MPC2: variants seen among roughly 807,000 people sequenced by gnomAD.
MPC2 encodes mitochondrial pyruvate carrier 2.
In MPC2, 19 loss-of-function variants were observed where a neutral mutation model predicts 19.2. That is an observed-to-expected ratio of 0.99 (90% CI 0.69 to 1.45). The LOEUF (loss-of-function observed/expected upper bound fraction) is 1.45. Ranked by LOEUF, MPC2 falls within the 40% of genes most tolerant of loss-of-function variation. MPC2 has a pLI of 0.00. For synonymous variants in MPC2, 61 were observed against 54.3 expected, an observed-to-expected ratio of 1.12 and a Z score of -0.54; for missense variants, 122 against 153.0, an observed-to-expected ratio of 0.80 and a Z score of 1.07.
chr1:167,929,219 G>A (rs1016278347), intron 2 of MPC2, among the ~76,000 whole-genome samples: 2 of 152,080 alleles, frequency 1.3e-5, no homozygotes, highest in Non-Finnish European at 2.9e-5. Context: ...TTAGCCGGGC[G>A]TGGTGGTGCA....
At chr1:167,920,519 A>C (rs768915403) in intron 4 of MPC2, 28 bp downstream of exon 4, 27 of 1,604,852 alleles carry the variant, frequency 1.7e-5, no homozygotes, top group Non-Finnish European at 2.3e-5. Context: ...GTTCTACAAG[A>C]AACACAGAAG....
Position 167,920,185 on chromosome 1 carries a change from G to T in MPC2, c.236-95C>A. 2 of 771,190 alleles carry T rather than the reference G, an allele frequency of 2.6e-6. 1 individual carries two copies. The highest frequency in any genetic ancestry group is 3.9e-5 in the South Asian group (2 of 51,366). 47.8% of individuals were successfully genotyped at this position (771,190 alleles called of 1,614,324 possible). ...TGAGTAAAGTAATTACAACAATAAT[G>T]TAGGATGAGGGACAAAGAAATGCTA... is the stretch of plus-strand genomic sequence containing the variant. On this transcript the variant is annotated intron_variant, in intron 4 of 5. Coordinates refer to ENST00000271373, the MANE Select transcript of MPC2 (RefSeq NM_001143674.4).
At chr1:167,934,501 C>T (rs1279611765) in intron 2 of MPC2, among the ~76,000 whole-genome samples, 2 of 152,170 alleles carry the variant, frequency 1.3e-5, no homozygotes, top group Non-Finnish European at 1.5e-5. Flanking sequence ...AAATCAGTAA[C>T]AAACTGTCCT....
At chr1:167,920,798 A>T (rs368166780) in intron 3 of MPC2, among the ~76,000 whole-genome samples, 167 bp from the exon 4 acceptor site, 3 of 152,240 alleles carry the variant, frequency 2.0e-5, no homozygotes, top group African/African-American at 7.2e-5. Flanking sequence ...AAGCACAATG[A>T]ATTAAAAAAC....
At chr1:167,934,926 T>C (rs2102565370) in intron 2 of MPC2, among the ~76,000 whole-genome samples, 1 of 152,254 alleles carries the variant, frequency 6.6e-6, no homozygotes, top group Middle Eastern at 3.4e-3. Flanking sequence ...TCTTTCAGTT[T>C]CTTACAGTTT....
At chr1:167,920,281 T>C (rs990649574) in intron 4 of MPC2, among the ~76,000 whole-genome samples, 191 bp from the exon 5 acceptor site, 28 of 152,218 alleles carry the variant, frequency 1.8e-4, no homozygotes. Flanking sequence ...GAAAGAGGAA[T>C]CTTTAAAGTG....
intron 2 of MPC2, among the ~76,000 whole-genome samples, chr1:167,929,130 G>A (rs1670834000): frequency 6.6e-6 from 1 of 151,636 alleles, no homozygotes; most frequent in African/African-American, 2.4e-5. Context: ...AGGCGGAGGT[G>A]GGCGGATCAC....
At chr1:167,936,181 T>G in intron 1 of MPC2, 1 of 275,804 alleles carries the variant, frequency 3.6e-6, no homozygotes. Flanking sequence ...CAGGCCGAGC[T>G]GCCCGCCATG....
At position 167,920,625 on chromosome 1, in the gene MPC2, C is replaced by G. The variant is rs1464800846; in HGVS notation, c.157G>C (p.Val53Leu). The G allele has an allele frequency of 3.1e-6, 5 of 1,613,304 alleles. No individual in the cohort carries two copies. The highest frequency in any genetic ancestry group is 1.3e-5 in the African/African-American group (1 of 74,902). ...FWAPIMKWGLVCAGLADMARP... is the reference protein window; with the variant it reads ...FWAPIMKWGLLCAGLADMARP... ...GCCATATCAGCCAATCCAGCACACACCAACCCCTACACATTAACGCATAGA... is the reference window on the plus strand; with the variant it reads ...GCCATATCAGCCAATCCAGCACACAGCAACCCCTACACATTAACGCATAGA... Residue 53 changes from valine to leucine, a missense_variant, in exon 4 of 6, where the codon GTG becomes CTG. Val to Leu is a conservative substitution (Grantham distance 32). Coordinates refer to ENST00000271373, the MANE Select transcript of MPC2 (RefSeq NM_001143674.4).
intron 2 of MPC2, among the ~76,000 whole-genome samples, chr1:167,934,523 T>C (rs543815970): frequency 6.6e-6 from 1 of 152,316 alleles, no homozygotes; most frequent in South Asian, 2.1e-4. Context: ...AATGATCAGT[T>C]TTATAATGGG....
intron 2 of MPC2, among the ~76,000 whole-genome samples, chr1:167,934,271 A>G (rs550535280): frequency 6.6e-6 from 1 of 152,324 alleles, no homozygotes; most frequent in East Asian, 1.9e-4. Flanking sequence ...TAAGTAGTTT[A>G]AAATTACTCT....
chr1:167,918,390 T>C (rs944491252), intron 5 of MPC2, 31 bp from the exon 6 acceptor site: 8 of 1,361,614 alleles, frequency 5.9e-6, no homozygotes, highest in East Asian at 4.6e-5. Context: ...AAAATAATCA[T>C]CAATAATAAT....
chr1:167,918,594 C>CTT (rs200327028), intron 5 of MPC2, among the ~76,000 whole-genome samples: 18,826 of 133,028 alleles, frequency 0.14, 1,668 homozygotes, highest in South Asian at 0.25. Context: ...CTGCCAAAAA[C>CTT]TTTTTTTTTT....
Position 167,918,206 on chromosome 1 carries a change from A to G in MPC2, c.*117T>C. ...TTTTCTATTGAATCAAGAACTAGCT[A>G]CCAGTTACAGTGCCTTCTAAACACA... On this transcript the variant is annotated 3_prime_UTR_variant, in exon 6 of 6. Coordinates refer to ENST00000271373, the MANE Select transcript of MPC2 (RefSeq NM_001143674.4). 1.4e-6 allele frequency: 1 copy of G among 720,876 alleles called. No individual in the cohort carries two copies. 44.7% of individuals were successfully genotyped at this position (720,876 alleles called of 1,614,324 possible).
chr1:167,935,110 AATG>A (rs1230621020), intron 2 of MPC2, among the ~76,000 whole-genome samples: 2 of 152,164 alleles, frequency 1.3e-5, no homozygotes, highest in Non-Finnish European at 2.9e-5. Context: ...GGTAGAAGAG[AATG>A]ATATCCAGGT....
chr1:167,934,691 T>C (rs182164947), intron 2 of MPC2, among the ~76,000 whole-genome samples: 45 of 152,288 alleles, frequency 3.0e-4, no homozygotes, highest in African/African-American at 1.0e-3. Context: ...TTCCTAATGA[T>C]ACCAACTACA....
chr1:167,935,984 C>T, intron 1 of MPC2, 86 bp from the exon 2 acceptor site: 1 of 673,428 alleles, frequency 1.5e-6, no homozygotes. Context: ...CGCGGCTTTC[C>T]CTGCCCGCTG....
chr1:167,919,853 T>C, intron 5 of MPC2, 126 bp downstream of exon 5: 1 of 580,124 alleles, frequency 1.7e-6, no homozygotes, highest in South Asian at 2.5e-5. Flanking sequence ...TATATGAATC[T>C]TTTAAAAAAA....
chr1:167,927,877 T>C (rs569945046), intron 2 of MPC2, among the ~76,000 whole-genome samples: 2 of 152,304 alleles, frequency 1.3e-5, no homozygotes, highest in South Asian at 2.1e-4. Flanking sequence ...TTTTAAACTA[T>C]GAAAACAAGC....
Sources: allele counts gnomAD v4.1 joint callset (sites outside exome capture counted in the v4.1 genomes callset), GRCh38; gene constraint gnomAD v4.1.1; transcripts MANE v1.5; gene names NCBI Gene and HGNC (gene_info 2026-07-23, HGNC 2026-07-21).